The following SHCBP1L variants were observed in gnomAD, a reference collection of about 807,000 sequenced individuals.
The protein encoded by SHCBP1L is testicular spindle-associated protein SHCBP1L.
Under a neutral mutation model 62.5 loss-of-function variants are expected in SHCBP1L, and 67 were observed. The ratio of observed to expected loss-of-function variants is 1.07; its 90% confidence interval spans 0.88 to 1.31. SHCBP1L has a LOEUF of 1.31. SHCBP1L is among the 40% of genes most tolerant of loss of function. SHCBP1L has a pLI of 0.00. For missense variants in SHCBP1L, 823 were observed against 809.8 expected, an observed-to-expected ratio of 1.02 and a Z score of -0.20; for synonymous variants, 284 against 289.4, an observed-to-expected ratio of 0.98 and a Z score of 0.19.
intron 6 of SHCBP1L, among the ~76,000 whole-genome samples, chr1:182,906,482 T>C (rs777065554): frequency 6.6e-6 from 1 of 150,846 alleles, no homozygotes; most frequent in African/African-American, 2.4e-5. Context: ...CCCAGGTTGG[T>C]GTGCAATGGC....
chr1:182,915,216 A>G (rs1373847484), intron 6 of SHCBP1L, among the ~76,000 whole-genome samples: 3 of 150,602 alleles, frequency 2.0e-5, no homozygotes, highest in Non-Finnish European at 4.4e-5. Flanking sequence ...TTAGATTCAA[A>G]GACACAAGTA....
intron 7 of SHCBP1L, among the ~76,000 whole-genome samples, chr1:182,905,026 C>T (rs112326451): frequency 0.041 from 6,238 of 152,238 alleles, 390 homozygotes; most frequent in African/African-American, 0.14. Flanking sequence ...GGATTACAGG[C>T]GTGAGGCACC....
At chr1:182,943,118 C>A (rs1480023464) in intron 2 of SHCBP1L, among the ~76,000 whole-genome samples, 1 of 151,536 alleles carries the variant, frequency 6.6e-6, no homozygotes, top group East Asian at 1.9e-4. Context: ...TATTTTAGTT[C>A]TCTCTCTTTT....
chr1:182,910,102 A>G lies in SHCBP1L; in HGVS notation c.1183-4453T>C, dbSNP rs142059255. 3.3e-3 allele frequency among the ~76,000 whole-genome samples: 502 copies of G among 152,338 alleles called. 2 individuals are homozygous for G. Among genetic ancestry groups the G allele is most frequent in the Non-Finnish European group, 3.5e-3 (240 of 68,026 alleles). Reference sequence around the variant, plus strand: ...AGTAGAGAGGAGAGGTTAAAGACACAAGGAAGAGATGACAGCACAGAAATG... The same window carrying G: ...AGTAGAGAGGAGAGGTTAAAGACACGAGGAAGAGATGACAGCACAGAAATG... On this transcript the variant is annotated intron_variant, in intron 6 of 9. Coordinates refer to ENST00000367547, the MANE Select transcript of SHCBP1L (RefSeq NM_030933.4).
rs114087845 is a variant in SHCBP1L, at chr1:182,905,238, T to C, written c.1336+258A>G. Among the ~76,000 whole-genome samples, 683 of 152,348 alleles carry C rather than the reference T, an allele frequency of 4.5e-3. 7 individuals carry two copies. Among genetic ancestry groups the C allele is most frequent in the African/African-American group, 0.016 (655 of 41,580 alleles). On this transcript the variant is annotated intron_variant, in intron 7 of 9. Transcript: ENST00000367547. ...AATGATGAGCATATTTTAACATAGCTTTACATCTGGGTTTTCCTTAGTAAA... is the reference window on the plus strand; with the variant it reads ...AATGATGAGCATATTTTAACATAGCCTTACATCTGGGTTTTCCTTAGTAAA...
Position 182,900,004 on chromosome 1 carries a change from A to G in SHCBP1L, c.1941T>C (p.Asp647=). The G allele has an allele frequency of 6.2e-7, 1 of 1,608,322 alleles. No individual in the cohort carries two copies. Among genetic ancestry groups the G allele is most frequent in the Non-Finnish European group, 8.5e-7 (1 of 1,177,872 alleles). ...NNKIEANVKG[D]IRIVTS is the part of the protein sequence containing the mutation. ...CGCTTTAACTTGTGACTATTCTGATATCCCCCTTGACGTTTGCTTCTATCT... is the reference window on the plus strand; with the variant it reads ...CGCTTTAACTTGTGACTATTCTGATGTCCCCCTTGACGTTTGCTTCTATCT... The change falls in exon 10 of 10, where the codon GAT becomes GAC. Residue 647 remains aspartate (D), a synonymous_variant. Transcript: ENST00000367547.
chr1:182,910,734 G>A (rs914621796), intron 6 of SHCBP1L, among the ~76,000 whole-genome samples: 1 of 152,196 alleles, frequency 6.6e-6, no homozygotes. Context: ...ACCTTTGGCT[G>A]CTCTTTGGGC....
chr1:182,934,497 G>GGT (rs1272332900), intron 5 of SHCBP1L, among the ~76,000 whole-genome samples: 9 of 152,076 alleles, frequency 5.9e-5, no homozygotes, highest in African/African-American at 1.9e-4. Flanking sequence ...TCTTCGGTAA[G>GGT]GTGTCTATTC....
At chr1:182,936,131 T>TTG (rs1553246799) in intron 5 of SHCBP1L, among the ~76,000 whole-genome samples, 18 of 5,550 alleles carry the variant, frequency 3.2e-3, no homozygotes, top group African/African-American at 6.0e-3. Flanking sequence ...TTGTTTTTTG[T>TTG]TTTTTTTTTT....
intron 2 of SHCBP1L, among the ~76,000 whole-genome samples, chr1:182,945,976 C>T (rs1651553877): frequency 1.3e-5 from 2 of 151,062 alleles, no homozygotes; most frequent in Non-Finnish European, 2.9e-5. Context: ...ATGAGAATTG[C>T]TTGAGCCTGG....
intron 5 of SHCBP1L, among the ~76,000 whole-genome samples, chr1:182,936,568 G>A (rs1358265911): frequency 6.6e-6 from 1 of 151,940 alleles, no homozygotes; most frequent in Non-Finnish European, 1.5e-5. Context: ...ACTAATTTAA[G>A]TCCACTTTCA....
chr1:182,902,949 G>T, intron 9 of SHCBP1L, 90 bp downstream of exon 9: 1 of 957,054 alleles, frequency 1.0e-6, no homozygotes, highest in Non-Finnish European at 1.5e-6. Flanking sequence ...ATAATATGTA[G>T]ACTGCCTTTT....
At chr1:182,915,281 G>A (rs1650322120) in intron 6 of SHCBP1L, among the ~76,000 whole-genome samples, 1 of 150,284 alleles carries the variant, frequency 6.7e-6, no homozygotes, top group Non-Finnish European at 1.5e-5. Context: ...TTGAAAAAGA[G>A]CTGGGGTGGC....
intron 2 of SHCBP1L, among the ~76,000 whole-genome samples, chr1:182,944,957 C>CTTTTTTTTTTTTTTTTTT (rs11309339): frequency 9.2e-6 from 1 of 109,076 alleles, no homozygotes; most frequent in African/African-American, 3.9e-5. Context: ...TTCTTTCTTT[C>CTTTTTTTTTTTTTTTTTT]TTTTTTTTTT....
At position 182,904,235 on chromosome 1, in the gene SHCBP1L, C is replaced by T. The variant is rs762720953; in HGVS notation, c.1532G>A (p.Cys511Tyr). 2 of 1,614,168 alleles carry T rather than the reference C, an allele frequency of 1.2e-6. No homozygotes were observed. The highest frequency in any genetic ancestry group is 1.7e-6 in the Non-Finnish European group (2 of 1,180,024). ...TGTCAAAGCAGCCCCTGTAAGAACA[C>T]ACACTCCTGTTCCTTCACATTTTAA... ...CILKCEGTGV[C>Y]VLTGAALTIT... is the part of the protein sequence containing the mutation. Residue 511 changes from cysteine to tyrosine, a missense_variant, in exon 8 of 10, where the codon TGT becomes TAT. Cys to Tyr is a radical substitution (Grantham distance 194). Transcript: ENST00000367547.
chr1:182,913,132 C>A (rs908398684), intron 6 of SHCBP1L, among the ~76,000 whole-genome samples: 1 of 151,808 alleles, frequency 6.6e-6, no homozygotes, highest in Non-Finnish European at 1.5e-5. Context: ...AAGACTCCAT[C>A]TCAAAAAATT....
intron 1 of SHCBP1L, 125 bp downstream of exon 1, chr1:182,952,604 T>C: frequency 1.3e-5 from 16 of 1,193,654 alleles, no homozygotes; most frequent in Non-Finnish European, 1.8e-5. Context: ...CCATTTACTT[T>C]TTTGAAACGC....
intron 5 of SHCBP1L, among the ~76,000 whole-genome samples, chr1:182,932,468 A>T (rs998634521): frequency 1.3e-5 from 2 of 151,028 alleles, no homozygotes; most frequent in African/African-American, 2.4e-5. Context: ...ATGGAATTTT[A>T]TTATTTATTT....
intron 6 of SHCBP1L, among the ~76,000 whole-genome samples, chr1:182,910,898 G>T (rs554821156): frequency 1.3e-5 from 2 of 150,882 alleles, no homozygotes; most frequent in African/African-American, 2.4e-5. Flanking sequence ...TGTTGTTGTG[G>T]TTTTTTTTTG....
Sources: gnomAD v4.1 joint callset for allele counts (sites outside exome capture counted in the v4.1 genomes callset) on GRCh38, gnomAD v4.1.1 for gene constraint, MANE v1.5 for transcripts, NCBI Gene and HGNC (gene_info 2026-07-23, HGNC 2026-07-21) for gene names.